Variants in CYP2A7 observed in about 807,000 individuals in gnomAD.
The protein encoded by CYP2A7 is cytochrome P450 family 2 subfamily A member 7.
In CYP2A7, 36 loss-of-function variants were observed where a neutral mutation model predicts 42.0. The ratio of observed to expected loss-of-function variants is 0.86; its 90% CI spans 0.66 to 1.13. The LOEUF (loss-of-function observed/expected upper bound fraction) is 1.13. Ranked by LOEUF, CYP2A7 falls within the 50% of genes most tolerant of loss-of-function variation. CYP2A7 has a pLI of 0.00. For missense variants in CYP2A7, 661 were observed against 634.1 expected, an observed-to-expected ratio of 1.04 and a Z score of -0.46; for synonymous variants, 260 against 249.5, an observed-to-expected ratio of 1.04 and a Z score of -0.40.
chr19:40,879,083 A>T (rs1967601044), intron 4 of CYP2A7, 147 bp from the exon 5 acceptor site: 3 of 1,268,488 alleles, frequency 2.4e-6, no homozygotes, highest in Non-Finnish European at 3.2e-6. Flanking sequence ...GTCGGATAGG[A>T]ACTTATATCT....
At chr19:40,880,351 C>G in intron 3 of CYP2A7, 107 bp from the exon 4 acceptor site, 1 of 1,544,864 alleles carries the variant, frequency 6.5e-7, no homozygotes, top group East Asian at 2.3e-5. Flanking sequence ...TTCCCAGCGC[C>G]AGACTCCAGG....
intron 6 of CYP2A7, 89 bp downstream of exon 6, chr19:40,877,763 G>C: frequency 6.6e-7 from 1 of 1,518,566 alleles, no homozygotes; most frequent in South Asian, 1.3e-5. Flanking sequence ...TCAGGGTCCT[G>C]GGATCTGGGA....
intron 6 of CYP2A7, 76 bp downstream of exon 6, chr19:40,877,776 G>A (rs975211130): frequency 1.3e-6 from 2 of 1,542,346 alleles, no homozygotes. Context: ...ATCTGGGACA[G>A]GTAGGGACAT....
At position 40,880,756 on chromosome 19, in the gene CYP2A7, C is replaced by G. The variant is rs1177398926; in HGVS notation, c.344-128G>C. On this transcript the variant is annotated intron_variant, in intron 2 of 8. Coordinates refer to ENST00000301146, the MANE Select transcript of CYP2A7 (RefSeq NM_000764.3). ...GGTGGGAGAGAGATGGATTCAGTGC[C>G]AGTGCCCAGGACAGGTGCAAACTCA... is the stretch of plus-strand genomic sequence containing the variant. 8.8e-5 allele frequency: 45 copies of G among 513,960 alleles called. 3 individuals are homozygous for G. In the East Asian group the frequency reaches 1.3e-3, roughly 15 times the overall value. The allele number at this position is 513,960 out of a possible 1,614,324, so 31.8% of individuals were successfully genotyped here. A position where few individuals can be genotyped will look rare whatever the true frequency, so the allele number is the denominator to read the frequency against.
At chr19:40,880,717 CA>C in intron 2 of CYP2A7, 89 bp from the exon 3 acceptor site, 3 of 629,600 alleles carry the variant, frequency 4.8e-6, no homozygotes, top group Non-Finnish European at 6.8e-6. Flanking sequence ...AAGGGTGGAG[CA>C]GAGGGGTAGT....
Position 40,881,685 on chromosome 19 carries a change from C to T in CYP2A7, c.247G>A (p.Gly83Arg). 3 of 1,613,244 alleles carry T rather than the reference C, an allele frequency of 1.9e-6. No individual in the cohort carries two copies. The highest frequency in any genetic ancestry group is 2.5e-6 in the Non-Finnish European group (3 of 1,179,584). Residue 83 changes from glycine to arginine, a missense_variant, in exon 2 of 9, where the codon GGA becomes AGA. Coordinates refer to ENST00000301146, the MANE Select transcript of CYP2A7 (RefSeq NM_000764.3). ...LGPRRVVVLC[G>R]HDAVREALVD... ...AGAGCCTCCCTGACGGCATCATGTCCACACAGCACCACGACCCGCCGGGGC... is the reference window on the plus strand; with the variant it reads ...AGAGCCTCCCTGACGGCATCATGTCTACACAGCACCACGACCCGCCGGGGC...
In CYP2A7 at chr19:40,881,582, C is replaced by T. The variant is rs1967689756; in HGVS notation, c.343+7G>A. ...GGCCACCTTCCCCATCTTGGGCACCCCCTCACCATAGCCTTTGAAGACCCA... is the reference window on the plus strand; with the variant it reads ...GGCCACCTTCCCCATCTTGGGCACCTCCTCACCATAGCCTTTGAAGACCCA... On this transcript the variant is annotated splice_region_variant and intron_variant, in intron 2 of 8. Transcript: ENST00000301146. 1.2e-6 allele frequency: 2 copies of T among 1,611,528 alleles called. No homozygotes were observed. Among genetic ancestry groups the T allele is most frequent in the African/African-American group, 2.7e-5 (2 of 74,916 alleles).
Position 40,880,587 on chromosome 19 carries a change from G to C in CYP2A7, c.385C>G (p.Arg129Gly), listed in dbSNP as rs745829083. ...TCCCTCAGGGTGGCGATGGCAAAGC[G>C]CAGGAGCTGCTTGGCGCGCTCCCCG... ...SNGERAKQLL[R>G]FAIATLRDFG... The change falls in exon 3 of 9, where the codon CGC (arginine) becomes GGC (glycine). Residue 129 changes from arginine (R) to glycine (G), a missense_variant. Coordinates refer to ENST00000301146, the MANE Select transcript of CYP2A7 (RefSeq NM_000764.3). 5 of 1,596,432 alleles carry C rather than the reference G, an allele frequency of 3.1e-6. No individual in the cohort carries two copies. The African/African-American group carries it at 4.0e-5, about 13-fold the overall frequency.
At chr19:40,877,796 CGA>C (rs1967570370) in intron 6 of CYP2A7, 54 bp downstream of exon 6, 1 of 1,560,670 alleles carries the variant, frequency 6.4e-7, no homozygotes, top group African/African-American at 1.4e-5. Context: ...TTGCACCAGT[CGA>C]AGGGGAATTT....
rs1359354562 is a variant in CYP2A7 at position 40,881,625 on chromosome 19, C to T, written c.307G>A (p.Glu103Lys). ...AAGACCCAGTCGAAGGTGGCTTGCT[C>T]GCCTCGCCCGCTGAACTCCTCAGCC... ...DQAEEFSGRG[E>K]QATFDWVFKG... Residue 103 changes from glutamate to lysine, a missense_variant, in exon 2 of 9, where the codon GAG (glutamate) becomes AAG (lysine). Glu to Lys is a moderately conservative substitution (Grantham distance 56). Coordinates refer to ENST00000301146, the MANE Select transcript of CYP2A7 (RefSeq NM_000764.3). 13 of 1,612,624 alleles carry T rather than the reference C, an allele frequency of 8.1e-6. No homozygotes were observed. Among genetic ancestry groups the T allele is most frequent in the East Asian group, 4.5e-5 (2 of 44,864 alleles).
Position 40,878,815 on chromosome 19 carries a change from A to T in CYP2A7, c.776T>A (p.Leu259Gln). The T allele has an allele frequency of 6.2e-7, 1 of 1,612,268 alleles. No homozygotes were observed. The highest frequency in any genetic ancestry group is 1.1e-5 in the South Asian group (1 of 90,942). ...GAAGTCCTGTGGGGAATTGGGATCC[A>T]GCGTGCGCTGGTTGTGCTCCACCTT... ...AKKVEHNQRTLDPNSPQDFID... is the reference protein window; with the variant it reads ...AKKVEHNQRTQDPNSPQDFID... The change falls in exon 5 of 9, where the codon CTG (leucine) becomes CAG (glutamine). Residue 259 changes from leucine (L) to glutamine (Q), a missense_variant. Around this residue, in one of 3 missense-constraint regions of CYP2A7, gnomAD observed 614 missense variants for 552.4 expected, o/e 1.11. Coordinates refer to ENST00000301146, the MANE Select transcript of CYP2A7 (RefSeq NM_000764.3).
In CYP2A7 at chr19:40,880,967, A is replaced by G. The variant is rs1477427644; in HGVS notation, c.344-339T>C. 4.0e-5 allele frequency among the ~76,000 whole-genome samples: 6 copies of G among 150,678 alleles called. 2 individuals are homozygous for G. The highest frequency in any genetic ancestry group is 8.9e-5 in the Non-Finnish European group (6 of 67,490). On this transcript the variant is annotated intron_variant, in intron 2 of 8. Transcript: ENST00000301146. Reference sequence around the variant, plus strand: ...GATACTCCATGGAGGAAGGGTAGGAAGTGGGGAGAGAAAGAGAGAGATGGA... The same window carrying G: ...GATACTCCATGGAGGAAGGGTAGGAGGTGGGGAGAGAAAGAGAGAGATGGA...
At chr19:40,880,850 A>AGAGG (rs1967662007) in intron 2 of CYP2A7, among the ~76,000 whole-genome samples, 1 of 107,984 alleles carries the variant, frequency 9.3e-6, no homozygotes. Flanking sequence ...AGAGAGAGAG[A>AGAGG]GAGAGAGAGA....
rs149348812 is a variant in CYP2A7, at chr19:40,882,173, G to C, written c.38C>G (p.Ala13Gly). ...ASGLLLVALLACLTVMVLMSV... is the reference protein window; with the variant it reads ...ASGLLLVALLGCLTVMVLMSV... Reference sequence around the variant, plus strand: ...CATCAAGACCATCACAGTCAGGCAGGCCAGCAAGGCCACCAGAAGCAGCCC... The same window carrying C: ...CATCAAGACCATCACAGTCAGGCAGCCCAGCAAGGCCACCAGAAGCAGCCC... The change falls in exon 1 of 9, where the codon GCC (alanine) becomes GGC (glycine). Residue 13 changes from alanine (A) to glycine (G), a missense_variant. Physicochemically the swap from Ala to Gly is moderately conservative, Grantham distance 60. Around this residue, in one of 3 missense-constraint regions of CYP2A7, gnomAD observed 614 missense variants for 552.4 expected, o/e 1.11. Coordinates refer to ENST00000301146, the MANE Select transcript of CYP2A7 (RefSeq NM_000764.3). The C allele has an allele frequency of 1.2e-6, 2 of 1,613,858 alleles. No homozygotes were observed. Among genetic ancestry groups the C allele is most frequent in the Non-Finnish European group, 1.7e-6 (2 of 1,179,738 alleles).
chr19:40,877,396 T>G lies in CYP2A7; in HGVS notation c.974-19A>C, dbSNP rs372105582. On this transcript the variant is annotated intron_variant, in intron 6 of 8. Coordinates refer to ENST00000301146, the MANE Select transcript of CYP2A7 (RefSeq NM_000764.3). Reference sequence around the variant, plus strand: ...ACCTTGGCTGGGGGAGGAGGGGGAATGTGTTTAGGTATCTGGGAGTCTCAG... The same window carrying G: ...ACCTTGGCTGGGGGAGGAGGGGGAAGGTGTTTAGGTATCTGGGAGTCTCAG... The G allele has an allele frequency of 1.1e-5, 18 of 1,609,662 alleles. 1 individual carries two copies. The highest frequency in any genetic ancestry group is 1.4e-5 in the Non-Finnish European group (17 of 1,177,006).
chr19:40,876,883 G>T, intron 7 of CYP2A7: 1 of 714,628 alleles, frequency 1.4e-6, no homozygotes, highest in Non-Finnish European at 2.3e-6. Context: ...TTGCTACGCA[G>T]GTTGTTTGGG....
intron 7 of CYP2A7, 141 bp downstream of exon 7, chr19:40,877,049 G>A (rs994072727): frequency 1.1e-6 from 1 of 900,826 alleles, no homozygotes; most frequent in African/African-American, 1.7e-5. Flanking sequence ...AAGGTGGAAT[G>A]GATGTGGTGG....
At chr19:40,878,041 G>A in intron 5 of CYP2A7, 48 bp from the exon 6 acceptor site, 1 of 1,579,314 alleles carries the variant, frequency 6.3e-7, no homozygotes, top group Non-Finnish European at 8.6e-7. Context: ...CTTGCCCTCA[G>A]GGCCCTTCTA....
intron 2 of CYP2A7, 38 bp from the exon 3 acceptor site, chr19:40,880,666 G>A (rs775818074): frequency 1.3e-6 from 2 of 1,586,294 alleles, no homozygotes; most frequent in African/African-American, 1.3e-5. Context: ...GAGGTCAGGG[G>A]GCGGCGGTGG....
Sources: gnomAD v4.1 joint callset for allele counts (sites outside exome capture counted in the v4.1 genomes callset) on GRCh38, gnomAD v4.1.1 for gene constraint, gnomAD v4.1.1 regional missense constraint, MANE v1.5 for transcripts, NCBI Gene and HGNC (gene_info 2026-07-23, HGNC 2026-07-21) for gene names.